The following HNRNPC variants were observed in gnomAD, a reference collection of about 807,000 sequenced individuals.
HNRNPC encodes heterogeneous nuclear ribonucleoprotein C.
In HNRNPC, 3 loss-of-function variants were observed where a neutral mutation model predicts 33.2. That is an observed-to-expected ratio of 0.09 (90% CI 0.04 to 0.23). The LOEUF is 0.23. Among genes scored for constraint, HNRNPC ranks in the 10% least tolerant of loss-of-function variants. The pLI is 1.00. For synonymous variants in HNRNPC, 121 were observed against 126.7 expected, an observed-to-expected ratio of 0.96 and a Z score of 0.30; for missense variants, 143 against 366.7, an observed-to-expected ratio of 0.39 and a Z score of 4.98.
chr14:21,224,124 C>T (rs1893151133), intron 5 of HNRNPC, among the ~76,000 whole-genome samples: 1 of 152,092 alleles, frequency 6.6e-6, no homozygotes, highest in African/African-American at 2.4e-5. Flanking sequence ...TACAGTGTTA[C>T]TCAAAAACAT....
chr14:21,217,927 C>T (rs1266678650), intron 5 of HNRNPC, among the ~76,000 whole-genome samples: 1 of 152,076 alleles, frequency 6.6e-6, no homozygotes, highest in East Asian at 1.9e-4. Context: ...TGAAAATGCA[C>T]CTGAAAACTT....
chr14:21,219,765 T>C (rs1424084454), intron 5 of HNRNPC, among the ~76,000 whole-genome samples: 2 of 152,184 alleles, frequency 1.3e-5, no homozygotes, highest in Non-Finnish European at 2.9e-5. Flanking sequence ...ATGACTCCCT[T>C]AGAACCATAT....
intron 2 of HNRNPC, among the ~76,000 whole-genome samples, chr14:21,246,785 A>C (rs923052344): frequency 2.0e-5 from 3 of 152,132 alleles, no homozygotes; most frequent in African/African-American, 7.2e-5. Flanking sequence ...CTTCAGCCTA[A>C]ACCACCCAAG....
At chr14:21,268,536 A>G (rs1387506942) in intron 1 of HNRNPC, 2 of 152,172 alleles carry the variant, frequency 1.3e-5, no homozygotes, top group Non-Finnish European at 2.9e-5. Flanking sequence ...CAAATTCCTT[A>G]CTAGTGCTGC....
chr14:21,244,230 C>A (rs1895686735), intron 2 of HNRNPC, among the ~76,000 whole-genome samples: 2 of 152,148 alleles, frequency 1.3e-5, no homozygotes, highest in African/African-American at 4.8e-5. Flanking sequence ...AACTCCTGAC[C>A]TCAGGTGATC....
At chr14:21,215,412 T>C (rs1384237309) in intron 5 of HNRNPC, among the ~76,000 whole-genome samples, 1 of 152,200 alleles carries the variant, frequency 6.6e-6, no homozygotes, top group Non-Finnish European at 1.5e-5. Flanking sequence ...AGCTATACAA[T>C]AGATGAGGCA....
intron 5 of HNRNPC, among the ~76,000 whole-genome samples, chr14:21,218,130 T>G (rs72675010): frequency 0.15 from 23,265 of 152,112 alleles, 2,265 homozygotes; most frequent in South Asian, 0.23. Context: ...GCCAAGCTAG[T>G]TTTTGTAATT....
intron 2 of HNRNPC, among the ~76,000 whole-genome samples, chr14:21,238,580 A>T (rs1456858710): frequency 6.6e-6 from 1 of 152,206 alleles, no homozygotes; most frequent in African/African-American, 2.4e-5. Flanking sequence ...ATTTGGTAGA[A>T]ATTTTAAAAG....
chr14:21,233,899 G>A (rs758801718), intron 3 of HNRNPC, 54 bp downstream of exon 3: 36 of 1,572,186 alleles, frequency 2.3e-5, no homozygotes, highest in South Asian at 1.3e-4. Flanking sequence ...AAAAAAAAAC[G>A]TGAATAGAAA....
At position 21,211,686 on chromosome 14, in the gene HNRNPC, C is replaced by G. The variant is rs549241593; in HGVS notation, c.638-120G>C. 6 of 1,406,894 alleles carry G rather than the reference C, an allele frequency of 4.3e-6. No individual in the cohort carries two copies. In the African/African-American group the frequency reaches 5.7e-5, roughly 13 times the overall value. 87.2% of individuals were successfully genotyped at this position (1,406,894 alleles called of 1,614,324 possible). On this transcript the variant is annotated intron_variant, in intron 7 of 8. Transcript: ENST00000553300. ...AAATCCTCCCACACAAATACCCTTC[C>G]CAATTCACACTCCCCAAGTTTCATA...
chr14:21,266,634 C>A (rs1361402461), intron 1 of HNRNPC, among the ~76,000 whole-genome samples: 1 of 149,480 alleles, frequency 6.7e-6, no homozygotes, highest in African/African-American at 2.5e-5. Context: ...TCTCACCAAT[C>A]CTCTAGTAAA....
chr14:21,248,706 ACAAG>A (rs1279667395), intron 2 of HNRNPC, among the ~76,000 whole-genome samples: 5 of 152,318 alleles, frequency 3.3e-5, no homozygotes, highest in African/African-American at 1.2e-4. Context: ...CACCTACCAA[ACAAG>A]CAAATACATT....
chr14:21,217,785 A>G (rs1463117791), intron 5 of HNRNPC, among the ~76,000 whole-genome samples: 1 of 152,228 alleles, frequency 6.6e-6, no homozygotes, highest in Admixed American at 6.5e-5. Flanking sequence ...AAATGTACAT[A>G]CTTATTTTAA....
intron 2 of HNRNPC, among the ~76,000 whole-genome samples, chr14:21,241,694 C>T (rs1375955323): frequency 6.6e-6 from 1 of 152,216 alleles, no homozygotes; most frequent in Non-Finnish European, 1.5e-5. Context: ...CTACTTCCCT[C>T]TGGCCTCTTC....
intron 2 of HNRNPC, among the ~76,000 whole-genome samples, chr14:21,237,459 C>G (rs1250034005): frequency 6.6e-6 from 1 of 152,170 alleles, no homozygotes; most frequent in Non-Finnish European, 1.5e-5. Flanking sequence ...CAGAACAATT[C>G]CACATATTCT....
intron 5 of HNRNPC, among the ~76,000 whole-genome samples, chr14:21,229,105 AT>A (rs1170371142): frequency 1.4e-5 from 2 of 147,862 alleles, no homozygotes; most frequent in Non-Finnish European, 3.0e-5. Flanking sequence ...AAAAAAAAAA[AT>A]CAGGCCAGGC....
chr14:21,260,488 T>C (rs559419081), intron 2 of HNRNPC, among the ~76,000 whole-genome samples: 2 of 152,102 alleles, frequency 1.3e-5, no homozygotes, highest in Admixed American at 6.5e-5. Flanking sequence ...CAGGGTTAGT[T>C]AGGTAACCAT....
At chr14:21,256,173 G>A (rs541994314) in intron 2 of HNRNPC, among the ~76,000 whole-genome samples, 6 of 152,302 alleles carry the variant, frequency 3.9e-5, no homozygotes, top group South Asian at 4.1e-4. Flanking sequence ...ATGGCCAGGC[G>A]TGGTGGATCA....
At chr14:21,214,298 T>C (rs1220647844) in intron 5 of HNRNPC, among the ~76,000 whole-genome samples, 2 of 152,188 alleles carry the variant, frequency 1.3e-5, no homozygotes, top group South Asian at 2.1e-4. Context: ...ATATATACAA[T>C]AGTGGCAAGT....
Sources: gnomAD v4.1 joint callset for allele counts (sites outside exome capture counted in the v4.1 genomes callset) on GRCh38, gnomAD v4.1.1 for gene constraint, MANE v1.5 for transcripts, NCBI Gene and HGNC (gene_info 2026-07-23, HGNC 2026-07-21) for gene names.